Variants in MPHOSPH8 observed in about 807,000 individuals in gnomAD.
The protein encoded by MPHOSPH8 is M-phase phosphoprotein, mpp.
Under a neutral mutation model 87.3 loss-of-function variants are expected in MPHOSPH8, and 45 were observed. The observed-to-expected ratio is 0.52, with a 90% CI of 0.41 to 0.66. MPHOSPH8 has a LOEUF of 0.66. Among genes scored for constraint, MPHOSPH8 ranks in the 30% least tolerant of loss-of-function variants. The pLI is 0.00. For synonymous variants in MPHOSPH8, 366 were observed against 376.9 expected (o/e 0.97, Z 0.33); for missense variants, 883 against 1,020.2 (o/e 0.87, Z 1.83).
At chr13:19,650,774 G>T (rs1288706597) in intron 5 of MPHOSPH8, among the ~76,000 whole-genome samples, 1 of 152,042 alleles carries the variant, frequency 6.6e-6, no homozygotes, top group Non-Finnish European at 1.5e-5. Flanking sequence ...ATAAATCAGA[G>T]AGGTTAGTCT....
At chr13:19,655,844 G>A (rs1161085772) in intron 5 of MPHOSPH8, among the ~76,000 whole-genome samples, 1 of 152,158 alleles carries the variant, frequency 6.6e-6, no homozygotes, top group African/African-American at 2.4e-5. Context: ...CACCCAGGCG[G>A]GATGCCTCCC....
intron 9 of MPHOSPH8, among the ~76,000 whole-genome samples, 181 bp from the exon 10 acceptor site, chr13:19,666,244 C>A (rs891195046): frequency 6.6e-6 from 1 of 152,222 alleles, no homozygotes; most frequent in Non-Finnish European, 1.5e-5. Context: ...TCCCCACTTG[C>A]ATTTAAGCAA....
At chr13:19,662,884 G>A (rs1307285842) in intron 8 of MPHOSPH8, among the ~76,000 whole-genome samples, 156 bp from the exon 9 acceptor site, 2 of 152,210 alleles carry the variant, frequency 1.3e-5, no homozygotes, top group African/African-American at 2.4e-5. Flanking sequence ...GTGGGGCGGG[G>A]TGCACCCCCG....
At chr13:19,651,311 G>C (rs901478813) in intron 5 of MPHOSPH8, among the ~76,000 whole-genome samples, 2 of 152,294 alleles carry the variant, frequency 1.3e-5, no homozygotes, top group South Asian at 2.1e-4. Context: ...TGGATTGCCT[G>C]AGCTCAGGAG....
rs1593494132 is a variant in MPHOSPH8 at position 19,670,174 on chromosome 13, AGT to A, written c.2330-59_2330-58del. The A allele has an allele frequency of 2.5e-6, 4 of 1,597,636 alleles. No homozygotes were observed. The East Asian group carries it at 8.9e-5, about 36-fold the overall frequency. ...AGGGGCCTGCTTCCATCTGGTGTTG[AGT>A]GTTCCTCTGGGGACTGAAGGTTGCC... On this transcript the variant is annotated intron_variant, in intron 11 of 13. Coordinates refer to ENST00000361479, the MANE Select transcript of MPHOSPH8 (RefSeq NM_017520.4).
In MPHOSPH8 at chr13:19,662,246, G is replaced by A. The variant is rs1429671365; in HGVS notation, c.1932+408G>A. On this transcript the variant is annotated intron_variant, in intron 8 of 13. Transcript: ENST00000361479. ...GAGCCACCGCGCCTGGCTGTCACAC[G>A]GTCCCATAGCTTTTTAAAAATTTAT... 5.9e-5 allele frequency among the ~76,000 whole-genome samples: 9 copies of A among 151,800 alleles called. No individual in the cohort carries two copies. In the East Asian group the frequency reaches 1.7e-3, roughly 29 times the overall value.
At chr13:19,652,341 T>C (rs1376500649) in intron 5 of MPHOSPH8, among the ~76,000 whole-genome samples, 1 of 152,046 alleles carries the variant, frequency 6.6e-6, no homozygotes, top group African/African-American at 2.4e-5. Context: ...GGGAACTCCC[T>C]CCCCTAGCCA....
intron 5 of MPHOSPH8, among the ~76,000 whole-genome samples, chr13:19,656,919 C>T (rs1024915472): frequency 6.8e-6 from 1 of 146,098 alleles, no homozygotes; most frequent in Non-Finnish European, 1.5e-5. Context: ...GTCAGGAGTT[C>T]GAGGCCAGCC....
chr13:19,673,338 CTT>C lies in MPHOSPH8; in HGVS notation c.*1466_*1467del, dbSNP rs1424713280. 2.7e-5 allele frequency: 8 copies of C among 298,080 alleles called. No individual in the cohort carries two copies. Among genetic ancestry groups the C allele is most frequent in the Admixed American group, 4.2e-5 (1 of 23,766 alleles). 18.5% of individuals were successfully genotyped at this position (298,080 alleles called of 1,614,324 possible). A position where few individuals can be genotyped will look rare whatever the true frequency, so the allele number is the denominator to read the frequency against. On this transcript the variant is annotated 3_prime_UTR_variant, in exon 14 of 14. Coordinates refer to ENST00000361479, the MANE Select transcript of MPHOSPH8 (RefSeq NM_017520.4). ...GTATGAAATACGATTTTAATGAAAACTTTTCAGAATTCACGTTTGTGTAGATA... is the reference window on the plus strand; with the variant it reads ...GTATGAAATACGATTTTAATGAAAACTTCAGAATTCACGTTTGTGTAGATA...
chr13:19,668,652 C>A, intron 11 of MPHOSPH8, 121 bp downstream of exon 11: 1 of 1,151,052 alleles, frequency 8.7e-7, no homozygotes, highest in Non-Finnish European at 1.2e-6. Flanking sequence ...TGTAATAATT[C>A]TGCAGACCGG....
At chr13:19,654,997 C>T (rs945263749) in intron 5 of MPHOSPH8, among the ~76,000 whole-genome samples, 5 of 151,764 alleles carry the variant, frequency 3.3e-5, no homozygotes, top group South Asian at 2.1e-4. Context: ...CGAAGTCACA[C>T]GCAAAATCCC....
chr13:19,637,163 T>C (rs565412426), intron 1 of MPHOSPH8, among the ~76,000 whole-genome samples: 91 of 152,310 alleles, frequency 6.0e-4, no homozygotes, highest in Admixed American at 2.4e-3. Context: ...GTAACAATTA[T>C]CAGTAAATTA....
At chr13:19,659,766 C>T (rs1674546) in intron 7 of MPHOSPH8, 2 of 314,706 alleles carry the variant, frequency 6.4e-6, no homozygotes, top group Non-Finnish European at 1.3e-5. Context: ...CCCCTCCCCT[C>T]TAAAAGTGAT....
intron 7 of MPHOSPH8, chr13:19,660,910 T>C (rs1409130128): frequency 2.0e-6 from 2 of 984,886 alleles, no homozygotes; most frequent in East Asian, 2.3e-4. Context: ...GTTCATTTTG[T>C]ATGGTGCAAA....
At chr13:19,663,505 G>A (rs1281929990) in intron 9 of MPHOSPH8, among the ~76,000 whole-genome samples, 4 of 152,126 alleles carry the variant, frequency 2.6e-5, no homozygotes, top group Admixed American at 6.5e-5. Flanking sequence ...TGCTGGCCTC[G>A]AAAGTGCAGG....
intron 11 of MPHOSPH8, 138 bp downstream of exon 11, chr13:19,668,669 G>A: frequency 2.1e-6 from 2 of 947,378 alleles, no homozygotes; most frequent in Non-Finnish European, 3.1e-6. Flanking sequence ...CCGGTTAACA[G>A]TAGAGCCACT....
intron 5 of MPHOSPH8, 75 bp downstream of exon 5, chr13:19,650,335 T>A: frequency 6.8e-7 from 1 of 1,475,228 alleles, no homozygotes; most frequent in Non-Finnish European, 9.1e-7. Flanking sequence ...TCTCTGTATT[T>A]CTGATCTCAA....
At chr13:19,653,895 A>G (rs1875000670) in intron 5 of MPHOSPH8, among the ~76,000 whole-genome samples, 2 of 152,224 alleles carry the variant, frequency 1.3e-5, no homozygotes, top group African/African-American at 4.8e-5. Context: ...CCTCCAAGAA[A>G]TATGGAACTA....
At chr13:19,636,006 C>T (rs1051874981) in intron 1 of MPHOSPH8, among the ~76,000 whole-genome samples, 2 of 152,194 alleles carry the variant, frequency 1.3e-5, no homozygotes, top group African/African-American at 4.8e-5. Context: ...AAGGTGCCTG[C>T]TTCTCCTTTG....
Sources: allele counts gnomAD v4.1 joint callset (sites outside exome capture counted in the v4.1 genomes callset), GRCh38; gene constraint gnomAD v4.1.1; transcripts MANE v1.5; gene names NCBI Gene and HGNC (gene_info 2026-07-23, HGNC 2026-07-21).